The following PATL2 variants were observed in gnomAD, a reference collection of about 807,000 sequenced individuals.
The protein encoded by PATL2 is PAT1 homolog 2.
In PATL2, 73 loss-of-function variants were observed where a neutral mutation model predicts 77.0. The observed-to-expected ratio is 0.95, with a 90% CI of 0.78 to 1.15. The LOEUF (loss-of-function observed/expected upper bound fraction) is 1.15. Ranked by LOEUF, PATL2 falls within the 50% of genes most tolerant of loss-of-function variation. The pLI is 0.00. For missense variants in PATL2, 618 were observed against 655.4 expected, an observed-to-expected ratio of 0.94 and a Z score of 0.62; for synonymous variants, 265 against 257.1, an observed-to-expected ratio of 1.03 and a Z score of -0.29.
In PATL2 at chr15:44,675,664, G is replaced by T; in HGVS notation, c.44C>A (p.Ala15Asp). The change falls in exon 5 of 18, where the codon GCT becomes GAT. Residue 15 changes from alanine to aspartate, a missense_variant. Physicochemically the swap from Ala to Asp is moderately radical, Grantham distance 126 (BLOSUM62 -2). Coordinates refer to ENST00000682850, the MANE Select transcript of PATL2 (RefSeq NM_001387263.1). The stretch of plus-strand genomic sequence containing the variant: ...GGCAGACACCAGCTCCTCCTCAGAA[G>T]CCAAGGGGCCACAGGTCTTACCTGG... Reference protein sequence around the residue: ...EGPGKTCGPLASEEELVSACQ... With the variant: ...EGPGKTCGPLDSEEELVSACQ... The T allele has an allele frequency of 6.4e-7, 1 of 1,551,072 alleles. No homozygotes were observed. The highest frequency in any genetic ancestry group is 8.7e-7 in the Non-Finnish European group (1 of 1,146,620).
At chr15:44,689,602 A>G (rs558328279) in intron 3 of PATL2, among the ~76,000 whole-genome samples, 1 of 148,568 alleles carries the variant, frequency 6.7e-6, no homozygotes, top group African/African-American at 2.6e-5. Context: ...TCAGCAAACT[A>G]ACACAAGAAC....
intron 3 of PATL2, among the ~76,000 whole-genome samples, chr15:44,687,308 C>T (rs1267178589): frequency 2.6e-5 from 4 of 152,180 alleles, no homozygotes; most frequent in African/African-American, 9.7e-5. Context: ...ACAAAAACCA[C>T]GTGATTATCT....
chr15:44,700,853 G>C (rs1015158286), intron 3 of PATL2, among the ~76,000 whole-genome samples: 1 of 152,092 alleles, frequency 6.6e-6, no homozygotes, highest in African/African-American at 2.4e-5. Context: ...CCAGATCTTT[G>C]AGAAAAGGCT....
chr15:44,668,456 C>T lies in PATL2; in HGVS notation c.1251G>A (p.Leu417=), dbSNP rs1566847729. ...DQALQMLFKP[L]GKCISHLTLH... ...GGGTCAAGTGACTAATACATTTGCC[C>T]AGAGGTTTGAATAACATTTGTAGGG... Residue 417 remains leucine, a synonymous_variant, in exon 15 of 18, where the codon CTG becomes CTA. Transcript: ENST00000682850. The T allele has an allele frequency of 6.4e-7, 1 of 1,551,182 alleles. No individual in the cohort carries two copies. Among genetic ancestry groups the T allele is most frequent in the Admixed American group, 2.0e-5 (1 of 50,960 alleles).
rs1270960786 is a variant in PATL2, at chr15:44,666,084, T to C, written c.1614-113A>G. On this transcript the variant is annotated intron_variant, in intron 17 of 17. Transcript: ENST00000682850. ...GTAATTCTGAGGACAGAGATGACCA[T>C]GTTATTCATGCTTATATCCTAGAAT... The C allele has an allele frequency of 5.0e-6, 5 of 996,962 alleles. No individual in the cohort carries two copies. In the African/African-American group the frequency reaches 8.3e-5, roughly 16 times the overall value. 61.8% of individuals were successfully genotyped at this position (996,962 alleles called of 1,614,324 possible).
intron 3 of PATL2, among the ~76,000 whole-genome samples, chr15:44,704,019 C>T (rs1004509038): frequency 2.0e-5 from 3 of 151,568 alleles, no homozygotes; most frequent in Admixed American, 1.3e-4. Context: ...ATGGGGATCT[C>T]GCTTTGTCAC....
intron 3 of PATL2, among the ~76,000 whole-genome samples, chr15:44,706,820 C>T (rs1044864026): frequency 6.6e-6 from 1 of 152,224 alleles, no homozygotes; most frequent in African/African-American, 2.4e-5. Context: ...GCCAGCCAAG[C>T]TTATGTCCCT....
chr15:44,689,866 G>T (rs757797552), intron 3 of PATL2, among the ~76,000 whole-genome samples: 26 of 152,136 alleles, frequency 1.7e-4, no homozygotes, highest in South Asian at 4.1e-4. Flanking sequence ...ATAATAATAA[G>T]AAGAAAATCT....
At chr15:44,707,671 C>G (rs577299076) in intron 3 of PATL2, among the ~76,000 whole-genome samples, 26 of 152,268 alleles carry the variant, frequency 1.7e-4, no homozygotes, top group Admixed American at 4.6e-4. Flanking sequence ...TCTCTCTGAG[C>G]TTTGAGCTGC....
chr15:44,678,200 T>C (rs1229381059), intron 3 of PATL2, among the ~76,000 whole-genome samples: 1 of 152,174 alleles, frequency 6.6e-6, no homozygotes, highest in African/African-American at 2.4e-5. Flanking sequence ...TCTCAGGAAC[T>C]TCCTAATAAC....
At chr15:44,704,651 T>G (rs1223608264) in intron 3 of PATL2, among the ~76,000 whole-genome samples, 1 of 152,234 alleles carries the variant, frequency 6.6e-6, no homozygotes, top group Non-Finnish European at 1.5e-5. Flanking sequence ...ATACCATGAT[T>G]ACAGTGTTAC....
At chr15:44,705,820 T>TTTTTTTTTTTTA (rs1266645138) in intron 3 of PATL2, among the ~76,000 whole-genome samples, 3 of 151,304 alleles carry the variant, frequency 2.0e-5, no homozygotes, top group African/African-American at 7.3e-5. Flanking sequence ...TGTTTTTTTT[T>TTTTTTTTTTTTA]AGACAGAGTC....
intron 15 of PATL2, among the ~76,000 whole-genome samples, chr15:44,667,930 G>A (rs1388964460): frequency 6.6e-6 from 1 of 152,112 alleles, no homozygotes; most frequent in Non-Finnish European, 1.5e-5. Flanking sequence ...GTGACAGAGC[G>A]AGACTATCTA....
At chr15:44,695,185 CAAA>C (rs879624743) in intron 3 of PATL2, among the ~76,000 whole-genome samples, 1 of 132,266 alleles carries the variant, frequency 7.6e-6, no homozygotes, top group African/African-American at 2.8e-5. Flanking sequence ...GAGACTCCCT[CAAA>C]AAAAAAAAAG....
At chr15:44,681,554 A>T (rs190620971) in intron 3 of PATL2, among the ~76,000 whole-genome samples, 4 of 152,210 alleles carry the variant, frequency 2.6e-5, no homozygotes, top group East Asian at 1.9e-4. Context: ...GCTACTTCTC[A>T]GTCCTCTATA....
At chr15:44,697,590 T>G (rs996992433) in intron 3 of PATL2, among the ~76,000 whole-genome samples, 7 of 152,206 alleles carry the variant, frequency 4.6e-5, no homozygotes, top group Non-Finnish European at 1.0e-4. Flanking sequence ...TCTCATTTGC[T>G]TCATATCTTG....
At chr15:44,701,440 A>T (rs2086627428) in intron 3 of PATL2, among the ~76,000 whole-genome samples, 1 of 151,992 alleles carries the variant, frequency 6.6e-6, no homozygotes, top group African/African-American at 2.4e-5. Context: ...TCATGCCTGT[A>T]ATCCCAGCAG....
In PATL2 at chr15:44,666,441, A is replaced by C; in HGVS notation, c.1564T>G (p.Cys522Gly). The C allele has an allele frequency of 2.8e-5, 43 of 1,551,748 alleles. No individual in the cohort carries two copies. Among genetic ancestry groups the C allele is most frequent in the Non-Finnish European group, 3.7e-5 (43 of 1,146,994 alleles). Residue 522 changes from cysteine to glycine, a missense_variant, in exon 17 of 18, where the codon TGT (cysteine) becomes GGT (glycine). Cys to Gly is a radical substitution (Grantham distance 159, BLOSUM62 -3). Transcript: ENST00000682850. ...AFPSNLLPLF[C>G]HHVDKQLVQQ... ...ACCAATTGTTTGTCCACGTGGTGAC[A>C]GAACAGGGGAAGTAGGTTGCTGGGG...
chr15:44,700,185 T>C (rs548355388), intron 3 of PATL2, among the ~76,000 whole-genome samples: 2 of 152,346 alleles, frequency 1.3e-5, no homozygotes, highest in South Asian at 4.1e-4. Flanking sequence ...ATCAGTGTTT[T>C]ATAGTTATCA....
Sources: allele counts gnomAD v4.1 joint callset (sites outside exome capture counted in the v4.1 genomes callset), GRCh38; gene constraint gnomAD v4.1.1; transcripts MANE v1.5; gene names NCBI Gene and HGNC (gene_info 2026-07-23, HGNC 2026-07-21).